The following ESRRG variants were observed in gnomAD, a reference collection of about 807,000 sequenced individuals.
The protein encoded by ESRRG is estrogen related receptor gamma.
In ESRRG, 13 loss-of-function variants were observed where a neutral mutation model predicts 44.0. That is an observed-to-expected ratio of 0.30 (90% CI 0.19 to 0.47). The LOEUF (loss-of-function observed/expected upper bound fraction) is 0.47. ESRRG is among the 20% of genes least tolerant of loss of function. The pLI, the probability that ESRRG is intolerant of heterozygous loss-of-function variation, is 1.00. For synonymous variants in ESRRG, 215 were observed against 214.6 expected (o/e 1.00, Z -0.02); for missense variants, 395 against 580.6 (o/e 0.68, Z 3.29).
chr1:216,790,219 T>A (rs757376148), intron 2 of ESRRG, among the ~76,000 whole-genome samples: 50 of 152,116 alleles, frequency 3.3e-4, no homozygotes, highest in Admixed American at 1.2e-3. Context: ...GGCATTTATA[T>A]TATTTACTCC....
chr1:216,715,931 A>T (rs1288442164), intron 1 of ESRRG, among the ~76,000 whole-genome samples: 3 of 152,112 alleles, frequency 2.0e-5, no homozygotes, highest in African/African-American at 4.8e-5. Flanking sequence ...TGATCATGGA[A>T]AAAAAGAATT....
intron 2 of ESRRG, among the ~76,000 whole-genome samples, chr1:216,763,685 T>C (rs536043916): frequency 4.3e-4 from 65 of 152,256 alleles, no homozygotes; most frequent in African/African-American, 1.4e-3. Flanking sequence ...CAACATTAAG[T>C]TGTTAAAGTT....
At chr1:216,821,275 G>A (rs997995982) in intron 2 of ESRRG, among the ~76,000 whole-genome samples, 4 of 151,976 alleles carry the variant, frequency 2.6e-5, no homozygotes, top group African/African-American at 4.8e-5. Flanking sequence ...CCTGTTTTGC[G>A]GTCTCTATTT....
chr1:216,973,963 C>G (rs2072308172), intron 1 of ESRRG, among the ~76,000 whole-genome samples: 1 of 152,206 alleles, frequency 6.6e-6, no homozygotes, highest in Middle Eastern at 3.4e-3. Context: ...GTTCGGGCCA[C>G]TTTCAAAAAC....
At chr1:217,056,414 A>G (rs910809875) in intron 1 of ESRRG, among the ~76,000 whole-genome samples, 2 of 152,132 alleles carry the variant, frequency 1.3e-5, no homozygotes, top group African/African-American at 2.4e-5. Context: ...ACTCATGTTT[A>G]TTAAAGGAAA....
At chr1:216,582,960 GTGGGAGAA>G (rs1382125844) in intron 3 of ESRRG, among the ~76,000 whole-genome samples, 1 of 152,122 alleles carries the variant, frequency 6.6e-6, no homozygotes, top group Non-Finnish European at 1.5e-5. Flanking sequence ...ACCTAAAGTG[GTGGGAGAA>G]TGGGAGAATG....
chr1:216,873,879 G>GAGGGAAGGGAAGGGAAGGTA (rs2096297413), intron 2 of ESRRG, among the ~76,000 whole-genome samples: 1 of 37,764 alleles, frequency 2.6e-5, no homozygotes, highest in Admixed American at 3.8e-4. Flanking sequence ...GGAGAGAAGG[G>GAGGGAAGGGAAGGGAAGGTA]AGGGAAGGGA....
At chr1:217,087,934 G>C (rs2092183200) in intron 1 of ESRRG, among the ~76,000 whole-genome samples, 2 of 151,934 alleles carry the variant, frequency 1.3e-5, no homozygotes, top group African/African-American at 4.8e-5. Flanking sequence ...CTTCCTGTCA[G>C]GCATTCCTCA....
chr1:216,957,718 C>T (rs1169664378), intron 1 of ESRRG, among the ~76,000 whole-genome samples: 1 of 152,154 alleles, frequency 6.6e-6, no homozygotes, highest in Non-Finnish European at 1.5e-5. Flanking sequence ...CCACCCTCGG[C>T]CTCTTCAGTC....
At chr1:216,607,643 T>G (rs2060108623) in intron 3 of ESRRG, among the ~76,000 whole-genome samples, 1 of 151,992 alleles carries the variant, frequency 6.6e-6, no homozygotes, top group Non-Finnish European at 1.5e-5. Flanking sequence ...TACATTTCCT[T>G]CTCCTTTATT....
chr1:217,072,535 A>AT (rs2151457042), intron 1 of ESRRG, among the ~76,000 whole-genome samples: 1 of 152,308 alleles, frequency 6.6e-6, no homozygotes, highest in East Asian at 1.9e-4. Flanking sequence ...CATTATAGTT[A>AT]TTTTAACCCC....
rs539196769 is a variant in ESRRG, at chr1:216,955,694, C to G, written c.-105-16021G>C. On this transcript the variant is annotated intron_variant, in intron 1 of 7. Transcript: ENST00000359162. ...ATAAGACTTCCCTTTTCTCTGCATCCTCACCAGCATTTGTTCTTTTTTGTC... is the reference window on the plus strand; with the variant it reads ...ATAAGACTTCCCTTTTCTCTGCATCGTCACCAGCATTTGTTCTTTTTTGTC... Among the ~76,000 whole-genome samples, 3 of 152,220 alleles carry G rather than the reference C, an allele frequency of 2.0e-5. No homozygotes were observed. In the East Asian group the frequency reaches 5.8e-4, roughly 29 times the overall value.
At chr1:216,627,109 T>C (rs991164854) in intron 3 of ESRRG, among the ~76,000 whole-genome samples, 9 of 152,210 alleles carry the variant, frequency 5.9e-5, no homozygotes, top group Non-Finnish European at 1.2e-4. Context: ...ATGTTACATA[T>C]GGTTATGATG....
chr1:217,015,731 A>AATT (rs759911532), intron 1 of ESRRG, among the ~76,000 whole-genome samples: 5 of 142,114 alleles, frequency 3.5e-5, no homozygotes, highest in Non-Finnish European at 4.6e-5. Flanking sequence ...GGGCAGCTAG[A>AATT]TTTTTTTTTT....
intron 2 of ESRRG, among the ~76,000 whole-genome samples, chr1:216,779,096 T>G (rs12729532): frequency 0.2 from 25,428 of 126,890 alleles, 2,909 homozygotes; most frequent in South Asian, 0.27. Flanking sequence ...TGTGGAGGCT[T>G]AAACTATATA....
chr1:217,120,068 C>T (rs1000365608), intron 1 of ESRRG, among the ~76,000 whole-genome samples: 38 of 152,142 alleles, frequency 2.5e-4, no homozygotes, highest in African/African-American at 8.4e-4. Flanking sequence ...AAAGTGATCA[C>T]AAAGTATATG....
At chr1:216,823,245 C>A (rs931088624) in intron 2 of ESRRG, among the ~76,000 whole-genome samples, 1 of 151,888 alleles carries the variant, frequency 6.6e-6, no homozygotes, top group Non-Finnish European at 1.5e-5. Context: ...ATGCAAAGAC[C>A]TCTTTCAACT....
At chr1:216,824,898 GGTGAAGAACA>G (rs1444252429) in intron 2 of ESRRG, among the ~76,000 whole-genome samples, 11 of 152,132 alleles carry the variant, frequency 7.2e-5, no homozygotes, top group African/African-American at 2.7e-4. Context: ...TGCCTTACTA[GGTGAAGAACA>G]ATGTTTTAAA....
intron 2 of ESRRG, among the ~76,000 whole-genome samples, chr1:216,934,722 G>A (rs1409981261): frequency 6.6e-6 from 1 of 151,992 alleles, no homozygotes; most frequent in Non-Finnish European, 1.5e-5. Context: ...ACAACACATG[G>A]GAATTATGGG....
Sources: gnomAD v4.1 joint callset for allele counts (sites outside exome capture counted in the v4.1 genomes callset) on GRCh38, gnomAD v4.1.1 for gene constraint, MANE v1.5 for transcripts, NCBI Gene and HGNC (gene_info 2026-07-23, HGNC 2026-07-21) for gene names.